The following NRXN3 variants were observed in gnomAD, a reference collection of about 807,000 sequenced individuals.
The protein encoded by NRXN3 is neurexin III.
Under a neutral mutation model 137.6 loss-of-function variants are expected in NRXN3, and 32 were observed. That is an observed-to-expected ratio of 0.23 (90% CI 0.18 to 0.31). The LOEUF is 0.31. NRXN3 is among the 10% of genes least tolerant of loss of function. NRXN3 has a pLI of 1.00. For missense variants in NRXN3, 1,574 were observed against 2,062.5 expected (o/e 0.76, Z 4.59); for synonymous variants, 798 against 784.5 (o/e 1.02, Z -0.29).
chr14:78,760,986 A>G (rs1471204748), intron 8 of NRXN3, among the ~76,000 whole-genome samples: 2 of 152,148 alleles, frequency 1.3e-5, no homozygotes, highest in Non-Finnish European at 2.9e-5. Context: ...AGATCACCGT[A>G]ATGACATATT....
intron 6 of NRXN3, among the ~76,000 whole-genome samples, chr14:78,656,343 T>C (rs547268770): frequency 7.2e-5 from 11 of 152,108 alleles, no homozygotes; most frequent in Non-Finnish European, 1.6e-4. Context: ...CAAGGTGAGG[T>C]GCTTGAAGCC....
At chr14:78,791,682 G>A (rs960752246) in intron 8 of NRXN3, among the ~76,000 whole-genome samples, 2 of 152,112 alleles carry the variant, frequency 1.3e-5, no homozygotes, top group Non-Finnish European at 2.9e-5. Context: ...AGGAGCACAT[G>A]GATTCCCCTC....
At chr14:79,843,287 T>G (rs2099360003) in intron 20 of NRXN3, among the ~76,000 whole-genome samples, 1 of 152,224 alleles carries the variant, frequency 6.6e-6, no homozygotes. Flanking sequence ...TTGTTATATG[T>G]GAAACAGCAC....
At chr14:78,251,119 G>T (rs1034432072) in intron 2 of NRXN3, among the ~76,000 whole-genome samples, 8 of 152,170 alleles carry the variant, frequency 5.3e-5, no homozygotes, top group Non-Finnish European at 1.0e-4. Flanking sequence ...CCGGAGCTTC[G>T]CTGGACAGGA....
At chr14:79,597,242 T>A in intron 16 of NRXN3, among the ~76,000 whole-genome samples, 1 of 152,124 alleles carries the variant, frequency 6.6e-6, no homozygotes, top group East Asian at 1.9e-4. Flanking sequence ...AGCAGAAAAA[T>A]TATTTTTCAG....
chr14:78,927,306 C>T (rs1211950466), intron 10 of NRXN3, among the ~76,000 whole-genome samples: 1 of 151,782 alleles, frequency 6.6e-6, no homozygotes, highest in Non-Finnish European at 1.5e-5. Flanking sequence ...ATCCTGATTC[C>T]TGAGTCCTAC....
At chr14:78,665,194 G>T (rs905054666) in intron 6 of NRXN3, among the ~76,000 whole-genome samples, 3 of 152,136 alleles carry the variant, frequency 2.0e-5, no homozygotes, top group Admixed American at 1.3e-4. Context: ...AGAATAATGG[G>T]TGTATTAGTC....
At chr14:79,514,851 T>TTCCCCCATTAATAGA (rs2096967058) in intron 16 of NRXN3, among the ~76,000 whole-genome samples, 20 of 151,038 alleles carry the variant, frequency 1.3e-4, no homozygotes, top group African/African-American at 4.7e-4. Context: ...CTGCTTCTCT[T>TTCCCCCATTAATAGA]TAAAAAGTGT....
At chr14:78,329,673 GA>G (rs1002143520) in intron 4 of NRXN3, among the ~76,000 whole-genome samples, 12 of 152,230 alleles carry the variant, frequency 7.9e-5, no homozygotes, top group African/African-American at 2.9e-4. Context: ...AAAGAAGGGG[GA>G]AAAATCCAGT....
intron 15 of NRXN3, among the ~76,000 whole-genome samples, chr14:79,358,658 A>AAAGAAAGG: frequency 6.6e-6 from 1 of 150,484 alleles, no homozygotes; most frequent in Non-Finnish European, 1.5e-5. Flanking sequence ...AGAAAGAAAG[A>AAAGAAAGG]AAGAAAGAAA....
chr14:79,849,029 GGGCCCC>G (rs2099386289), intron 20 of NRXN3, among the ~76,000 whole-genome samples: 1 of 151,862 alleles, frequency 6.6e-6, no homozygotes, highest in African/African-American at 2.4e-5. Flanking sequence ...CATCATTCTT[GGGCCCC>G]TGTCCCAACT....
intron 19 of NRXN3, among the ~76,000 whole-genome samples, chr14:79,699,219 A>G (rs2154030465): frequency 6.6e-6 from 1 of 152,178 alleles, no homozygotes; most frequent in Non-Finnish European, 1.5e-5. Flanking sequence ...CTCTACTGAT[A>G]TTAAACCAAT....
At chr14:79,363,241 C>A (rs897784228) in intron 15 of NRXN3, among the ~76,000 whole-genome samples, 3 of 152,158 alleles carry the variant, frequency 2.0e-5, no homozygotes. Flanking sequence ...CTCAGGTGAT[C>A]CACCTGCCTC....
intron 1 of NRXN3, among the ~76,000 whole-genome samples, chr14:78,222,031 T>A (rs2153425471): frequency 6.6e-6 from 1 of 152,270 alleles, no homozygotes; most frequent in Middle Eastern, 3.4e-3. Flanking sequence ...GGGTTGCAGA[T>A]GGCATGAGGC....
intron 4 of NRXN3, among the ~76,000 whole-genome samples, chr14:78,405,619 G>GGGC (rs1037982363): frequency 7.0e-6 from 1 of 141,970 alleles, no homozygotes; most frequent in South Asian, 2.6e-4. Flanking sequence ...GGGGCGGGGG[G>GGGC]GTTCCGGGTA....
chr14:78,195,712 A>G (rs1657387284), intron 1 of NRXN3, among the ~76,000 whole-genome samples: 1 of 152,156 alleles, frequency 6.6e-6, no homozygotes, highest in South Asian at 2.1e-4. Context: ...TGTTTGCTCC[A>G]TTTTCCAGAC....
At chr14:78,184,217 G>T (rs1179811409) in intron 1 of NRXN3, among the ~76,000 whole-genome samples, 1 of 152,184 alleles carries the variant, frequency 6.6e-6, no homozygotes, top group African/African-American at 2.4e-5. Flanking sequence ...TGTTTTTAGA[G>T]GAGTTCATTC....
chr14:79,208,217 C>T (rs759109776), intron 15 of NRXN3, among the ~76,000 whole-genome samples: 4 of 152,170 alleles, frequency 2.6e-5, no homozygotes, highest in Admixed American at 2.0e-4. Flanking sequence ...ACAAAGCTAA[C>T]TCTCTGGTGG....
At chr14:79,087,996 A>G (rs2048451954) in intron 15 of NRXN3, among the ~76,000 whole-genome samples, 1 of 140,056 alleles carries the variant, frequency 7.1e-6, no homozygotes, top group South Asian at 2.1e-4. Context: ...GAGCAACGTC[A>G]GAATGATTGG....
Sources: allele counts gnomAD v4.1 joint callset (sites outside exome capture counted in the v4.1 genomes callset), GRCh38; gene constraint gnomAD v4.1.1; transcripts MANE v1.5; gene names NCBI Gene and HGNC (gene_info 2026-07-23, HGNC 2026-07-21).